The following SYT16 variants were observed in gnomAD, a reference collection of about 807,000 sequenced individuals.
SYT16 encodes synaptotagmin-16.
SYT16 carries 42 observed loss-of-function variants against 61.4 expected under a neutral mutation model. The observed-to-expected ratio is 0.68, with a 90% confidence interval of 0.53 to 0.89. SYT16 has a LOEUF of 0.89. SYT16 is among the 40% of genes least tolerant of loss of function. SYT16 has a pLI of 0.00. For synonymous variants in SYT16, 314 were observed against 302.3 expected, an observed-to-expected ratio of 1.04 and a Z score of -0.40; for missense variants, 804 against 807.3, an observed-to-expected ratio of 1.00 and a Z score of 0.05.
chr14:61,877,192 G>A (rs1433500299), intron 1 of SYT16, among the ~76,000 whole-genome samples: 1 of 152,162 alleles, frequency 6.6e-6, no homozygotes, highest in Non-Finnish European at 1.5e-5. Flanking sequence ...GAAGCCTGGG[G>A]ACTGGCGGTG....
At position 61,996,243 on chromosome 14, in the gene SYT16, A is replaced by G; in HGVS notation, c.224A>G (p.Asp75Gly). The change falls in exon 3 of 8, where the codon GAT becomes GGT. Residue 75 changes from aspartate to glycine, a missense_variant. Physicochemically the swap from Asp to Gly is moderately conservative, Grantham distance 94. Transcript: ENST00000683842. ...TYFEDEEQDN[D>G]WSQEDANSLF... is the part of the protein sequence containing the mutation. ...TTTGAAGATGAAGAACAAGACAATG[A>G]TTGGAGTCAAGAGGATGCAAATTCC... The G allele has an allele frequency of 6.2e-7, 1 of 1,613,640 alleles. No individual in the cohort carries two copies. The highest frequency in any genetic ancestry group is 1.1e-5 in the South Asian group (1 of 91,072).
At chr14:61,925,493 G>A (rs1252966122) in intron 1 of SYT16, among the ~76,000 whole-genome samples, 1 of 152,200 alleles carries the variant, frequency 6.6e-6, no homozygotes, top group Non-Finnish European at 1.5e-5. Context: ...GCATTAAAAT[G>A]TAGAAAACAA....
chr14:61,996,141 A>C lies in SYT16; in HGVS notation c.122A>C (p.Asn41Thr), dbSNP rs1372987749. Residue 41 changes from asparagine (N) to threonine (T), a missense_variant, in exon 3 of 8, where the codon AAC becomes ACC. Physicochemically the swap from Asn to Thr is moderately conservative, Grantham distance 65. Coordinates refer to ENST00000683842, the MANE Select transcript of SYT16 (RefSeq NM_001367656.1). ...GATATGTTATCTGCTTCGCTGGTTAACATAAGCAAACAAGACTCTAAATTG... is the reference window on the plus strand; with the variant it reads ...GATATGTTATCTGCTTCGCTGGTTACCATAAGCAAACAAGACTCTAAATTG... Reference protein sequence around the residue: ...AGDMLSASLVNISKQDSKLSD... With the variant: ...AGDMLSASLVTISKQDSKLSD... 5.6e-6 allele frequency: 9 copies of C among 1,613,292 alleles called. No homozygotes were observed. Among genetic ancestry groups the C allele is most frequent in the Admixed American group, 1.7e-5 (1 of 59,904 alleles).
At chr14:62,083,980 A>G (rs1264962229) in intron 6 of SYT16, among the ~76,000 whole-genome samples, 1 of 152,142 alleles carries the variant, frequency 6.6e-6, no homozygotes, top group Non-Finnish European at 1.5e-5. Context: ...TTGAATGGAG[A>G]CAGCTCTTGA....
At chr14:61,953,880 G>T (rs1335151161) in intron 1 of SYT16, among the ~76,000 whole-genome samples, 1 of 152,206 alleles carries the variant, frequency 6.6e-6, no homozygotes, top group Non-Finnish European at 1.5e-5. Context: ...TAGTCATGCT[G>T]AAGCAAGACC....
At chr14:61,966,854 G>A (rs2051334989) in intron 1 of SYT16, among the ~76,000 whole-genome samples, 1 of 152,100 alleles carries the variant, frequency 6.6e-6, no homozygotes, top group Non-Finnish European at 1.5e-5. Flanking sequence ...TTCACTGACA[G>A]GCACATTGGC....
intron 3 of SYT16, among the ~76,000 whole-genome samples, chr14:62,035,232 T>G (rs1012770929): frequency 2.6e-5 from 4 of 152,208 alleles, no homozygotes; most frequent in African/African-American, 9.7e-5. Context: ...AGTTTTAGCA[T>G]ATATTCCAGA....
At chr14:61,919,035 C>CT (rs1273114883) in intron 1 of SYT16, among the ~76,000 whole-genome samples, 1 of 152,156 alleles carries the variant, frequency 6.6e-6, no homozygotes, top group Non-Finnish European at 1.5e-5. Context: ...GTTCCTGACT[C>CT]TTTTTTAACC....
intron 1 of SYT16, among the ~76,000 whole-genome samples, chr14:61,953,446 A>C (rs2050750303): frequency 6.6e-6 from 1 of 152,016 alleles, no homozygotes; most frequent in East Asian, 1.9e-4. Context: ...AGAGGTCTCC[A>C]GGAGACCTCT....
At chr14:62,094,131 G>A (rs1187226864) in intron 7 of SYT16, among the ~76,000 whole-genome samples, 1 of 152,078 alleles carries the variant, frequency 6.6e-6, no homozygotes, top group Non-Finnish European at 1.5e-5. Context: ...TCAGAACTCA[G>A]TCACATGGCT....
At chr14:62,042,058 T>A (rs2054753034) in intron 3 of SYT16, among the ~76,000 whole-genome samples, 1 of 152,250 alleles carries the variant, frequency 6.6e-6, no homozygotes, top group South Asian at 2.1e-4. Context: ...TAATATAAAC[T>A]GTCCTTTCCT....
chr14:62,026,540 G>A (rs1032649109), intron 3 of SYT16, among the ~76,000 whole-genome samples: 2 of 152,126 alleles, frequency 1.3e-5, no homozygotes, highest in African/African-American at 4.8e-5. Context: ...GAGCCCTCAT[G>A]GCCTAATCAC....
rs1001764971 is a variant in SYT16, at chr14:61,970,274, G to T, written c.-182G>T. The T allele has an allele frequency of 6.6e-6, 1 of 152,182 alleles. No homozygotes were observed. Among genetic ancestry groups the T allele is most frequent in the African/African-American group, 2.4e-5 (1 of 41,436 alleles). The allele number at this position is 152,182 out of a possible 1,614,324, so 9.4% of individuals were successfully genotyped here. On this transcript the variant is annotated 5_prime_UTR_variant, in exon 2 of 8. Transcript: ENST00000683842. ...TCCTGGAGCATCGAGGGAAAAGAAAGCATTCTAAAGACAAGACTGGGATTC... is the reference window on the plus strand; with the variant it reads ...TCCTGGAGCATCGAGGGAAAAGAAATCATTCTAAAGACAAGACTGGGATTC...
chr14:61,843,074 A>C (rs944570032), intron 1 of SYT16, among the ~76,000 whole-genome samples: 1 of 147,270 alleles, frequency 6.8e-6, no homozygotes, highest in Non-Finnish European at 1.5e-5. Flanking sequence ...ATGTACTGAT[A>C]TCTTTTTTTT....
chr14:61,927,951 G>T (rs1489689194), intron 1 of SYT16, among the ~76,000 whole-genome samples: 1 of 152,212 alleles, frequency 6.6e-6, no homozygotes, highest in South Asian at 2.1e-4. Flanking sequence ...CTTTGCAGTC[G>T]TGAAAGTTCC....
intron 1 of SYT16, among the ~76,000 whole-genome samples, chr14:61,843,104 T>C (rs147739519): frequency 6.6e-6 from 1 of 152,078 alleles, no homozygotes. Flanking sequence ...TACCCAGCAG[T>C]GGGATTGCTA....
At chr14:61,939,452 G>A (rs974187013) in intron 1 of SYT16, among the ~76,000 whole-genome samples, 2 of 152,194 alleles carry the variant, frequency 1.3e-5, no homozygotes, top group Non-Finnish European at 2.9e-5. Context: ...TTTTCTCACA[G>A]TCCTGGAGGA....
intron 1 of SYT16, among the ~76,000 whole-genome samples, chr14:61,873,663 A>T (rs776203194): frequency 6.6e-6 from 1 of 152,242 alleles, no homozygotes; most frequent in Admixed American, 6.5e-5. Context: ...TCCATGTGTA[A>T]TACCCCAAGG....
chr14:62,003,318 A>G (rs2053095891), intron 3 of SYT16, among the ~76,000 whole-genome samples: 1 of 151,988 alleles, frequency 6.6e-6, no homozygotes, highest in African/African-American at 2.4e-5. Flanking sequence ...GAGCTCTGTG[A>G]AGAACTTCTA....
Sources: allele counts gnomAD v4.1 joint callset (sites outside exome capture counted in the v4.1 genomes callset), GRCh38; gene constraint gnomAD v4.1.1; transcripts MANE v1.5; gene names NCBI Gene and HGNC (gene_info 2026-07-23, HGNC 2026-07-21).